MARCHF11: variants seen among roughly 807,000 people sequenced by gnomAD.
MARCHF11 encodes the protein E3 ubiquitin-protein ligase MARCHF11.
MARCHF11 carries 29 observed loss-of-function variants against 37.3 expected under a neutral mutation model. The observed-to-expected ratio is 0.78, with a 90% CI of 0.58 to 1.06. MARCHF11 has a LOEUF of 1.06. Ranked by LOEUF, MARCHF11 falls within the 50% of genes least tolerant of loss-of-function variation. The pLI is 0.00. For missense variants in MARCHF11, 482 were observed against 533.4 expected (o/e 0.90, Z 0.95); for synonymous variants, 233 against 228.0 (o/e 1.02, Z -0.20).
chr5:16,179,212 A>C lies in MARCHF11; in HGVS notation c.364T>G (p.Ser122Ala). 7.4e-7 allele frequency: 1 copy of C among 1,343,774 alleles called. No homozygotes were observed. Among genetic ancestry groups the C allele is most frequent in the Non-Finnish European group, 9.5e-7 (1 of 1,054,090 alleles). The allele number at this position is 1,343,774 out of a possible 1,614,324, so 83.2% of individuals were successfully genotyped here. The change falls in exon 1 of 4, where the codon TCT becomes GCT. Residue 122 changes from serine (S) to alanine (A), a missense_variant. By Grantham distance (99) the Ser-to-Ala change is moderately conservative (BLOSUM62 1). Coordinates refer to ENST00000332432, the MANE Select transcript of MARCHF11 (RefSeq NM_001102562.3). ...AAAAKGGPGE[S>A]EAGAGGERER... ...CGCTCGCCGCCCGCGCCGGCCTCAGACTCCCCGGGGCCGCCTTTCGCTGCT... is the reference window on the plus strand; with the variant it reads ...CGCTCGCCGCCCGCGCCGGCCTCAGCCTCCCCGGGGCCGCCTTTCGCTGCT...
At chr5:16,129,303 G>A (rs1008077617) in intron 2 of MARCHF11, 5 of 152,132 alleles carry the variant, frequency 3.3e-5, no homozygotes, top group African/African-American at 1.2e-4. Context: ...AGGTATGTAA[G>A]ATTGTAGAAT....
chr5:16,090,049 CT>C (rs1736766588), intron 3 of MARCHF11, among the ~76,000 whole-genome samples: 1 of 152,200 alleles, frequency 6.6e-6, no homozygotes, highest in Non-Finnish European at 1.5e-5. Context: ...GGCCCCACCC[CT>C]GATGTTCCTA....
chr5:16,106,467 TG>T (rs1213195624), intron 2 of MARCHF11, among the ~76,000 whole-genome samples: 1 of 152,234 alleles, frequency 6.6e-6, no homozygotes, highest in Non-Finnish European at 1.5e-5. Flanking sequence ...TTCTGTGACT[TG>T]GCCCAATGCC....
chr5:16,170,512 T>C (rs143453443), intron 2 of MARCHF11, among the ~76,000 whole-genome samples: 12 of 152,170 alleles, frequency 7.9e-5, no homozygotes, highest in African/African-American at 2.6e-4. Context: ...GAGATACAAG[T>C]TGAAAATTAA....
At chr5:16,085,679 G>A (rs576946548) in intron 3 of MARCHF11, among the ~76,000 whole-genome samples, 113 of 152,046 alleles carry the variant, frequency 7.4e-4, no homozygotes, top group African/African-American at 2.3e-3. Context: ...TCCGCCGGGC[G>A]CAGTGGCTCA....
At chr5:16,143,152 G>T (rs190085029) in intron 2 of MARCHF11, among the ~76,000 whole-genome samples, 161 of 151,994 alleles carry the variant, frequency 1.1e-3, no homozygotes, top group African/African-American at 3.6e-3. Context: ...TTCTTTACTG[G>T]CCCTTGGCTC....
chr5:16,078,509 T>G (rs1367939094), intron 3 of MARCHF11, among the ~76,000 whole-genome samples: 1 of 152,088 alleles, frequency 6.6e-6, no homozygotes, highest in Non-Finnish European at 1.5e-5. Context: ...TTGTCTCCCC[T>G]GCCCTGCTGG....
chr5:16,142,580 C>G (rs1453376430), intron 2 of MARCHF11, among the ~76,000 whole-genome samples: 1 of 152,002 alleles, frequency 6.6e-6, no homozygotes, highest in East Asian at 1.9e-4. Context: ...GCTGTACAGT[C>G]TTGTGAACTA....
At chr5:16,070,183 A>G (rs1230085911) in intron 3 of MARCHF11, among the ~76,000 whole-genome samples, 2 of 152,226 alleles carry the variant, frequency 1.3e-5, no homozygotes, top group Non-Finnish European at 2.9e-5. Context: ...CAATACTACC[A>G]GATTTTAATT....
chr5:16,156,947 G>A (rs115349236), intron 2 of MARCHF11, among the ~76,000 whole-genome samples: 2,419 of 151,932 alleles, frequency 0.016, 22 homozygotes, highest in South Asian at 0.039. Context: ...GTTGTCCATC[G>A]TTGATGGAAA....
At position 16,067,522 on chromosome 5, in the gene MARCHF11, T is replaced by A. The variant is rs1195168049; in HGVS notation, c.1158A>T (p.Leu386Phe). 1 of 1,613,834 alleles carries A rather than the reference T, an allele frequency of 6.2e-7. No individual in the cohort carries two copies. Among genetic ancestry groups the A allele is most frequent in the African/African-American group, 1.3e-5 (1 of 74,912 alleles). The change falls in exon 4 of 4, where the codon TTA (leucine) becomes TTT (phenylalanine). Residue 386 changes from leucine to phenylalanine, a missense_variant. Coordinates refer to ENST00000332432, the MANE Select transcript of MARCHF11 (RefSeq NM_001102562.3). ...CCTCCCCCGAGCTGTTATCTTCTGA[T>A]AAGTCTTCATGGGGCCTCATCCGAT... ...LFNRMRPHEDLSEDNSSGEVV... is the reference protein window; with the variant it reads ...LFNRMRPHEDFSEDNSSGEVV...
chr5:16,172,706 C>T (rs1203543840), intron 2 of MARCHF11, among the ~76,000 whole-genome samples: 4 of 152,204 alleles, frequency 2.6e-5, no homozygotes, highest in South Asian at 2.1e-4. Flanking sequence ...AGTGCATCAG[C>T]TACATCCTAC....
chr5:16,161,662 A>G (rs1449256733), intron 2 of MARCHF11, among the ~76,000 whole-genome samples: 1 of 151,990 alleles, frequency 6.6e-6, no homozygotes, highest in Admixed American at 6.6e-5. Context: ...GATAAATGGA[A>G]GCCATTTATT....
intron 2 of MARCHF11, among the ~76,000 whole-genome samples, chr5:16,117,901 T>C (rs1737246908): frequency 6.6e-6 from 1 of 152,068 alleles, no homozygotes; most frequent in Non-Finnish European, 1.5e-5. Flanking sequence ...AAACCACAAA[T>C]GGCAAAAAGG....
chr5:16,173,431 C>T (rs1738305919), intron 2 of MARCHF11, among the ~76,000 whole-genome samples: 1 of 152,170 alleles, frequency 6.6e-6, no homozygotes, highest in African/African-American at 2.4e-5. Context: ...TTAAGAGCAT[C>T]TCATTGCTCC....
At chr5:16,082,449 G>A (rs1180352779) in intron 3 of MARCHF11, among the ~76,000 whole-genome samples, 6 of 152,088 alleles carry the variant, frequency 3.9e-5, no homozygotes, top group African/African-American at 7.2e-5. Context: ...CACCAGGCAC[G>A]GCCAACCTCA....
chr5:16,084,826 G>A (rs1479193098), intron 3 of MARCHF11, among the ~76,000 whole-genome samples: 1 of 151,286 alleles, frequency 6.6e-6, no homozygotes, highest in Non-Finnish European at 1.5e-5. Flanking sequence ...CCTCATTCTG[G>A]CATATCTCAG....
chr5:16,091,190 C>T, intron 2 of MARCHF11, 109 bp from the exon 3 acceptor site: 9 of 755,888 alleles, frequency 1.2e-5, no homozygotes, highest in Non-Finnish European at 1.7e-5. Flanking sequence ...CCTTTGAAAT[C>T]TGATGAGACC....
chr5:16,078,636 T>A (rs1263485042), intron 3 of MARCHF11, among the ~76,000 whole-genome samples: 1 of 152,118 alleles, frequency 6.6e-6, no homozygotes, highest in African/African-American at 2.4e-5. Flanking sequence ...ATCCAACAGT[T>A]CCCCAGAGGG....
Sources: gnomAD v4.1 joint callset for allele counts (sites outside exome capture counted in the v4.1 genomes callset) on GRCh38, gnomAD v4.1.1 for gene constraint, MANE v1.5 for transcripts, NCBI Gene and HGNC (gene_info 2026-07-23, HGNC 2026-07-21) for gene names.